The following ENTREP2 variants were observed in gnomAD, a reference collection of about 807,000 sequenced individuals.
ENTREP2 encodes the protein endosomal transmembrane epsin interactor 2, also known as protein ENTREP2.
At chr15:29,186,689 C>T in the ENTREP2 span, among the ~76,000 whole-genome samples, 1 of 152,176 alleles carries the variant, frequency 6.6e-6, no homozygotes, top group Non-Finnish European at 1.5e-5. Flanking sequence ...ACCTATCAGT[C>T]CTTGTTCTTC....
chr15:29,645,938 G>A, the ENTREP2 span, among the ~76,000 whole-genome samples: 9 of 152,148 alleles, frequency 5.9e-5, no homozygotes, highest in Non-Finnish European at 1.2e-4. Flanking sequence ...ACTAGAATAA[G>A]ACATGATTTA....
chr15:29,512,944 C>T, the ENTREP2 span, among the ~76,000 whole-genome samples: 1 of 152,200 alleles, frequency 6.6e-6, no homozygotes, highest in Non-Finnish European at 1.5e-5. Flanking sequence ...AAATAATGAA[C>T]TGCCAATGTT....
chr15:29,481,642 T>A, the ENTREP2 span, among the ~76,000 whole-genome samples: 1 of 152,166 alleles, frequency 6.6e-6, no homozygotes, highest in Non-Finnish European at 1.5e-5. Context: ...ATTATATGCT[T>A]AACATAGCCT....
the ENTREP2 span, among the ~76,000 whole-genome samples, chr15:29,377,776 G>A: frequency 6.7e-6 from 1 of 150,254 alleles, no homozygotes; most frequent in Admixed American, 6.6e-5. Context: ...AGCCAAGATC[G>A]TACCATTGCC....
the ENTREP2 span, among the ~76,000 whole-genome samples, chr15:29,395,226 T>G: frequency 1.7e-3 from 263 of 152,008 alleles, 1 homozygote; most frequent in African/African-American, 6.0e-3. Context: ...TCTGTACGTA[T>G]AGACCTCATT....
At chr15:29,220,883 G>A in the ENTREP2 span, among the ~76,000 whole-genome samples, 287 of 149,458 alleles carry the variant, frequency 1.9e-3, 1 homozygote, top group African/African-American at 6.6e-3. Context: ...TCTTCATTTC[G>A]TCATATTCCG....
At chr15:29,195,381 C>G in the ENTREP2 span, 2 of 959,990 alleles carry the variant, frequency 2.1e-6, no homozygotes, top group Non-Finnish European at 2.5e-6. Context: ...CTCCTCTCCC[C>G]AGATCCGAGG....
At chr15:29,123,494 C>T in the ENTREP2 span, 7 of 1,551,696 alleles carry the variant, frequency 4.5e-6, no homozygotes, top group South Asian at 2.4e-5. Flanking sequence ...AAAACCCTGG[C>T]ATCCGCATAG....
At chr15:29,463,956 T>C in the ENTREP2 span, among the ~76,000 whole-genome samples, 3 of 152,116 alleles carry the variant, frequency 2.0e-5, no homozygotes, top group Admixed American at 1.3e-4. Flanking sequence ...AAGCCAGCCA[T>C]GAAACGACAC....
the ENTREP2 span, among the ~76,000 whole-genome samples, chr15:29,125,334 C>T: frequency 1.3e-5 from 2 of 152,144 alleles, no homozygotes; most frequent in Non-Finnish European, 2.9e-5. Context: ...GGACTCTCTC[C>T]CTGTGAGCTG....
chr15:29,571,236 G>A, the ENTREP2 span, among the ~76,000 whole-genome samples: 1 of 152,078 alleles, frequency 6.6e-6, no homozygotes, highest in Non-Finnish European at 1.5e-5. Context: ...GAAGGAGAGC[G>A]GGGGCGGCAG....
the ENTREP2 span, among the ~76,000 whole-genome samples, chr15:29,462,323 A>G: frequency 6.6e-6 from 1 of 151,364 alleles, no homozygotes; most frequent in African/African-American, 2.4e-5. Flanking sequence ...AGGAACCACT[A>G]CTCTCCTTTG....
At chr15:29,664,710 C>T in the ENTREP2 span, among the ~76,000 whole-genome samples, 1 of 152,164 alleles carries the variant, frequency 6.6e-6, no homozygotes, top group Admixed American at 6.5e-5. Context: ...TTGACTGGTC[C>T]TCGGCCAGTC....
the ENTREP2 span, among the ~76,000 whole-genome samples, chr15:29,522,685 A>G: frequency 6.6e-6 from 1 of 152,206 alleles, no homozygotes; most frequent in East Asian, 1.9e-4. Context: ...AACCCTGGCA[A>G]AACATGGCTG....
chr15:29,206,970 C>T, the ENTREP2 span, among the ~76,000 whole-genome samples: 1 of 152,276 alleles, frequency 6.6e-6, no homozygotes, highest in African/African-American at 2.4e-5. Context: ...ACCACTGTCT[C>T]CCCGGCATAA....
the ENTREP2 span, among the ~76,000 whole-genome samples, chr15:29,601,340 T>C: frequency 0.19 from 29,228 of 152,158 alleles, 3,327 homozygotes; most frequent in Middle Eastern, 0.36. Context: ...CTTTCTAAGT[T>C]TGCATCACTT....
chr15:29,415,733 T>C, the ENTREP2 span, among the ~76,000 whole-genome samples: 1 of 152,168 alleles, frequency 6.6e-6, no homozygotes, highest in Non-Finnish European at 1.5e-5. Context: ...GATGACATGA[T>C]TGTATATCTA....
chr15:29,647,197 G>C, the ENTREP2 span, among the ~76,000 whole-genome samples: 1 of 152,204 alleles, frequency 6.6e-6, no homozygotes, highest in Non-Finnish European at 1.5e-5. Flanking sequence ...CAAAAGCTCT[G>C]TTAATGGAGG....
chr15:29,127,607 GGA>G, the ENTREP2 span, among the ~76,000 whole-genome samples: 1 of 152,292 alleles, frequency 6.6e-6, no homozygotes, highest in East Asian at 1.9e-4. Flanking sequence ...CCTCTACTCA[GGA>G]GAGTCCTGAC....
Sources: gnomAD v4.1 joint callset for allele counts (sites outside exome capture counted in the v4.1 genomes callset) on GRCh38, gnomAD v4.1.1 for gene constraint, MANE v1.5 for transcripts, NCBI Gene and HGNC (gene_info 2026-07-23, HGNC 2026-07-21) for gene names.